FRMD4A: variants seen among roughly 807,000 people sequenced by gnomAD.
FRMD4A encodes FERM domain containing 4A, also known as FERM domain-containing protein 4A.
A neutral mutation model predicts 129.1 loss-of-function variants in FRMD4A; 29 were observed. The observed-to-expected ratio is 0.22, with a 90% confidence interval of 0.17 to 0.31. The LOEUF (loss-of-function observed/expected upper bound fraction) is 0.31, where lower values mean the gene tolerates loss of function less well. Ranked by LOEUF, FRMD4A falls within the 10% of genes least tolerant of loss-of-function variation. FRMD4A has a pLI of 1.00. For missense variants in FRMD4A, 1,272 were observed against 1,375.8 expected (o/e 0.92, Z 1.19); for synonymous variants, 634 against 571.6 (o/e 1.11, Z -1.56).
intron 2 of FRMD4A, among the ~76,000 whole-genome samples, chr10:14,133,005 A>G (rs6602708): frequency 0.66 from 100,240 of 152,124 alleles, 33,621 homozygotes; most frequent in East Asian, 0.79. Flanking sequence ...TCCTCATGCC[A>G]TCATCAGTAA....
chr10:14,013,351 C>T (rs1209874007), intron 2 of FRMD4A, among the ~76,000 whole-genome samples: 4 of 152,224 alleles, frequency 2.6e-5, no homozygotes, highest in Middle Eastern at 3.4e-3. Flanking sequence ...ACACGCCACT[C>T]AAGGAGTTAG....
chr10:13,800,706 C>T (rs1364445462), intron 4 of FRMD4A, among the ~76,000 whole-genome samples: 3 of 152,208 alleles, frequency 2.0e-5, no homozygotes, highest in Non-Finnish European at 4.4e-5. Flanking sequence ...AAGGTGGGGA[C>T]ATGTCGCATG....
chr10:13,982,550 C>G (rs2095566115), intron 2 of FRMD4A, among the ~76,000 whole-genome samples: 1 of 150,832 alleles, frequency 6.6e-6, no homozygotes, highest in Non-Finnish European at 1.5e-5. Context: ...GTCATAAGAC[C>G]CCCATTCCAG....
chr10:14,078,922 C>T (rs961313223), intron 2 of FRMD4A, among the ~76,000 whole-genome samples: 1 of 152,294 alleles, frequency 6.6e-6, no homozygotes, highest in Middle Eastern at 3.4e-3. Context: ...TGGAGGTGTC[C>T]TGCGAATTCT....
intron 2 of FRMD4A, among the ~76,000 whole-genome samples, chr10:14,213,126 C>T (rs1379171037): frequency 1.3e-5 from 2 of 152,056 alleles, no homozygotes; most frequent in African/African-American, 4.8e-5. Context: ...TGCTTGGAGT[C>T]CCAGCTCCTT....
chr10:13,962,218 G>C (rs1410391680), intron 2 of FRMD4A, among the ~76,000 whole-genome samples: 2 of 152,180 alleles, frequency 1.3e-5, no homozygotes, highest in African/African-American at 4.8e-5. Flanking sequence ...CATTGCCCCA[G>C]AACAAATGTC....
chr10:13,825,124 A>G (rs953513862), intron 3 of FRMD4A, among the ~76,000 whole-genome samples: 2 of 152,186 alleles, frequency 1.3e-5, no homozygotes, highest in Non-Finnish European at 2.9e-5. Context: ...TGTAATTTTT[A>G]AAGTAGGCAG....
chr10:14,308,999 G>A (rs1846445920), intron 2 of FRMD4A, among the ~76,000 whole-genome samples: 1 of 152,162 alleles, frequency 6.6e-6, no homozygotes, highest in Non-Finnish European at 1.5e-5. Flanking sequence ...TTTCCACTTA[G>A]ACACCTGCCT....
chr10:13,669,349 C>A (rs1316822696), intron 17 of FRMD4A, among the ~76,000 whole-genome samples: 1 of 152,140 alleles, frequency 6.6e-6, no homozygotes, highest in Non-Finnish European at 1.5e-5. Context: ...CAGCGAAAGG[C>A]GTGGGCCACC....
At chr10:14,226,590 CT>C (rs1843444604) in intron 2 of FRMD4A, among the ~76,000 whole-genome samples, 1 of 152,180 alleles carries the variant, frequency 6.6e-6, no homozygotes. Flanking sequence ...TGGCCATCTT[CT>C]CCCTGTGTCT....
At chr10:14,014,926 TTAC>T (rs1054976838) in intron 2 of FRMD4A, among the ~76,000 whole-genome samples, 1 of 136,244 alleles carries the variant, frequency 7.3e-6, no homozygotes, top group African/African-American at 2.7e-5. Flanking sequence ...CTTCCTTTCC[TTAC>T]TTCTTCCTTT....
At chr10:14,135,669 A>G (rs920333330) in intron 2 of FRMD4A, among the ~76,000 whole-genome samples, 2 of 152,286 alleles carry the variant, frequency 1.3e-5, no homozygotes, top group African/African-American at 4.8e-5. Context: ...ACAGAAAAAC[A>G]TATATGACTA....
chr10:13,972,301 A>G (rs1035989592), intron 2 of FRMD4A: 8 of 987,016 alleles, frequency 8.1e-6, no homozygotes, highest in Middle Eastern at 5.2e-4. Flanking sequence ...ACTCTTTACA[A>G]CTTGGAGAAC....
chr10:13,957,354 A>G (rs2095415898), intron 2 of FRMD4A, among the ~76,000 whole-genome samples: 1 of 152,134 alleles, frequency 6.6e-6, no homozygotes, highest in Admixed American at 6.5e-5. Context: ...CCCGGGTTCA[A>G]ACAAGTCTCT....
At chr10:13,947,598 ACACACACGTG>A in intron 2 of FRMD4A, among the ~76,000 whole-genome samples, 1 of 150,106 alleles carries the variant, frequency 6.7e-6, no homozygotes, top group Non-Finnish European at 1.5e-5. Context: ...GCATACACAC[ACACACACGTG>A]CACACACACA....
chr10:14,272,526 C>G (rs1365626292), intron 2 of FRMD4A, among the ~76,000 whole-genome samples: 1 of 152,206 alleles, frequency 6.6e-6, no homozygotes, highest in African/African-American at 2.4e-5. Flanking sequence ...ACGTCTATTA[C>G]CAACCTGACA....
At chr10:14,202,030 C>T (rs768899634) in intron 2 of FRMD4A, among the ~76,000 whole-genome samples, 4 of 151,712 alleles carry the variant, frequency 2.6e-5, no homozygotes, top group East Asian at 3.9e-4. Context: ...CCCAGCTACT[C>T]GGGAGGCTGA....
intron 2 of FRMD4A, among the ~76,000 whole-genome samples, chr10:14,275,556 G>T (rs1400213064): frequency 6.6e-6 from 1 of 152,216 alleles, no homozygotes; most frequent in South Asian, 2.1e-4. Context: ...TCCAAGGGCA[G>T]ATAATAAAGC....
intron 21 of FRMD4A, among the ~76,000 whole-genome samples, chr10:13,658,611 T>G (rs909902258): frequency 1.1e-4 from 16 of 152,136 alleles, no homozygotes; most frequent in Admixed American, 1.0e-3. Flanking sequence ...CTAGGAGCGG[T>G]GGCTCACGTC....
Sources: allele counts gnomAD v4.1 joint callset (sites outside exome capture counted in the v4.1 genomes callset), GRCh38; gene constraint gnomAD v4.1.1; transcripts MANE v1.5; gene names NCBI Gene and HGNC (gene_info 2026-07-23, HGNC 2026-07-21).